The following ALK variants were observed in gnomAD, a reference collection of about 807,000 sequenced individuals.
ALK encodes ALK tyrosine kinase receptor.
A neutral mutation model predicts 163.1 loss-of-function variants in ALK; 74 were observed. The ratio of observed to expected loss-of-function variants is 0.45; its 90% CI spans 0.38 to 0.55. The LOEUF (loss-of-function observed/expected upper bound fraction) is 0.55. Among genes scored for constraint, ALK ranks in the 20% least tolerant of loss-of-function variants. The probability of loss-of-function intolerance (pLI) is 0.00; values close to 1 mark genes in which losing one functional copy is unlikely to be tolerated. For missense variants in ALK, 2,063 were observed against 2,105.3 expected (o/e 0.98, Z 0.39); for synonymous variants, 960 against 843.2 (o/e 1.14, Z -2.40).
At chr2:29,497,140 TG>T in intron 4 of ALK, among the ~76,000 whole-genome samples, 1 of 152,144 alleles carries the variant, frequency 6.6e-6, no homozygotes, top group South Asian at 2.1e-4. Flanking sequence ...GGCATGGTGG[TG>T]GGCGCCTGTA....
chr2:29,517,624 A>G (rs1262173540), intron 4 of ALK, among the ~76,000 whole-genome samples: 2 of 152,178 alleles, frequency 1.3e-5, no homozygotes, highest in Non-Finnish European at 2.9e-5. Context: ...TCCAATTTTT[A>G]AACCTCCTGC....
intron 1 of ALK, among the ~76,000 whole-genome samples, chr2:29,798,559 C>A (rs974910482): frequency 7.2e-5 from 11 of 152,248 alleles, no homozygotes; most frequent in African/African-American, 2.4e-4. Context: ...GCATCCAGGT[C>A]TTTTCAGCAA....
At chr2:29,852,331 C>T (rs1258598774) in intron 1 of ALK, among the ~76,000 whole-genome samples, 2 of 152,166 alleles carry the variant, frequency 1.3e-5, no homozygotes, top group Non-Finnish European at 2.9e-5. Context: ...ATCTGTTCTG[C>T]AATGAAATCT....
chr2:29,806,687 G>A lies in ALK; in HGVS notation c.668-88990C>T, dbSNP rs112135029. Among the ~76,000 whole-genome samples, 1,014 of 152,236 alleles carry A rather than the reference G, an allele frequency of 6.7e-3. 8 individuals are homozygous for A. The highest frequency in any genetic ancestry group is 8.7e-3 in the Non-Finnish European group (594 of 68,016). On this transcript the variant is annotated intron_variant, in intron 1 of 28. Coordinates refer to ENST00000389048, the MANE Select transcript of ALK (RefSeq NM_004304.5). ...GATTGGTGAGGACTTAAAGCCTTCC[G>A]GGGGAAGGTAGAGGAGTTGGTGACA...
intron 1 of ALK, among the ~76,000 whole-genome samples, chr2:29,807,697 T>C (rs139457232): frequency 1.1e-3 from 164 of 152,306 alleles, no homozygotes; most frequent in African/African-American, 3.6e-3. Flanking sequence ...TTATGGATAA[T>C]AGATGAAGTA....
intron 5 of ALK, among the ~76,000 whole-genome samples, chr2:29,367,045 G>T (rs892353812): frequency 6.6e-6 from 1 of 151,568 alleles, no homozygotes; most frequent in Admixed American, 6.6e-5. Context: ...AGCTTGGGCC[G>T]TCCTCTTTTT....
chr2:29,271,297 G>A (rs1056119484), intron 11 of ALK, among the ~76,000 whole-genome samples: 3 of 152,196 alleles, frequency 2.0e-5, no homozygotes, highest in Admixed American at 2.0e-4. Flanking sequence ...TGTGGTGAAT[G>A]GATAATGCAT....
chr2:29,468,668 G>A (rs1671271533), intron 4 of ALK, among the ~76,000 whole-genome samples: 1 of 151,762 alleles, frequency 6.6e-6, no homozygotes, highest in Non-Finnish European at 1.5e-5. Flanking sequence ...GGCCAAAATA[G>A]TGAGACCCTT....
chr2:29,353,634 A>G (rs537105120), intron 5 of ALK, among the ~76,000 whole-genome samples: 1 of 152,220 alleles, frequency 6.6e-6, no homozygotes, highest in East Asian at 1.9e-4. Context: ...TGTTCATTAC[A>G]CACTTGTGTT....
chr2:29,300,603 T>C (rs1666341938), intron 8 of ALK, among the ~76,000 whole-genome samples: 1 of 146,244 alleles, frequency 6.8e-6, no homozygotes, highest in African/African-American at 2.5e-5. Context: ...AGGCGAAAAA[T>C]TCTAAGCCAT....
At chr2:29,486,373 CTGTT>C (rs543463261) in intron 4 of ALK, among the ~76,000 whole-genome samples, 114 of 152,208 alleles carry the variant, frequency 7.5e-4, no homozygotes, top group Non-Finnish European at 1.3e-3. Context: ...ACCCCAGAGA[CTGTT>C]TGGTATGAAA....
chr2:29,656,652 G>A (rs1342298602), intron 3 of ALK, among the ~76,000 whole-genome samples: 1 of 152,122 alleles, frequency 6.6e-6, no homozygotes, highest in Non-Finnish European at 1.5e-5. Flanking sequence ...GAAACACAAA[G>A]AAGTTAGATG....
intron 8 of ALK, among the ~76,000 whole-genome samples, chr2:29,309,528 T>C (rs1179022557): frequency 6.6e-6 from 1 of 152,240 alleles, no homozygotes; most frequent in Admixed American, 6.5e-5. Context: ...CTGCAGGCAT[T>C]AGCAAGTGCT....
intron 4 of ALK, among the ~76,000 whole-genome samples, chr2:29,413,632 A>ATT (rs1669787635): frequency 6.6e-6 from 1 of 152,120 alleles, no homozygotes; most frequent in Non-Finnish European, 1.5e-5. Flanking sequence ...CCCAGGTTCA[A>ATT]GCAAGTCTCC....
chr2:29,821,985 T>G (rs1295041821), intron 1 of ALK, among the ~76,000 whole-genome samples: 1 of 152,184 alleles, frequency 6.6e-6, no homozygotes, highest in Non-Finnish European at 1.5e-5. Flanking sequence ...CAGGAAGCTC[T>G]CTCAGGCCCT....
Position 29,232,482 on chromosome 2 carries a change from C to A in ALK, c.2488-34G>T, listed in dbSNP as rs200925948. The A allele has an allele frequency of 1.1e-5, 18 of 1,613,866 alleles. No homozygotes were observed. In the East Asian group the frequency reaches 4.0e-4, roughly 36 times the overall value. ...GGGAGACATTCAGACATTGAGAAAC[C>A]GAGCTGTGCTTCCCCCTGGAGCCCC... is the stretch of plus-strand genomic sequence containing the variant. On this transcript the variant is annotated intron_variant, in intron 14 of 28. Coordinates refer to ENST00000389048, the MANE Select transcript of ALK (RefSeq NM_004304.5).
intron 2 of ALK, among the ~76,000 whole-genome samples, chr2:29,712,522 G>C (rs1008179363): frequency 9.9e-5 from 15 of 152,144 alleles, no homozygotes; most frequent in African/African-American, 3.6e-4. Flanking sequence ...TTTCAGAAAT[G>C]CGATCAAACT....
At chr2:29,234,409 G>A (rs1664313650) in intron 13 of ALK, among the ~76,000 whole-genome samples, 1 of 152,064 alleles carries the variant, frequency 6.6e-6, no homozygotes, top group African/African-American at 2.4e-5. Context: ...CAGGAGGAGA[G>A]AAAAAAACCA....
At chr2:29,692,314 T>C (rs1678422475) in intron 3 of ALK, among the ~76,000 whole-genome samples, 1 of 152,164 alleles carries the variant, frequency 6.6e-6, no homozygotes, top group Non-Finnish European at 1.5e-5. Flanking sequence ...TAGATTGGCA[T>C]TACCCAATGA....
Sources: allele counts gnomAD v4.1 joint callset (sites outside exome capture counted in the v4.1 genomes callset), GRCh38; gene constraint gnomAD v4.1.1; transcripts MANE v1.5; gene names NCBI Gene and HGNC (gene_info 2026-07-23, HGNC 2026-07-21).